The following PWWP2B variants were observed in gnomAD, a reference collection of about 807,000 sequenced individuals.
PWWP2B encodes the protein PWWP domain-containing protein 2B.
PWWP2B carries 9 observed loss-of-function variants against 15.5 expected under a neutral mutation model. The ratio of observed to expected loss-of-function variants is 0.58; its 90% CI spans 0.35 to 1.02. PWWP2B has a LOEUF of 1.02. Among genes scored for constraint, PWWP2B ranks in the 50% least tolerant of loss-of-function variants. The pLI is 0.02. For missense variants in PWWP2B, 864 were observed against 865.3 expected (o/e 1.00, Z 0.02); for synonymous variants, 474 against 403.6 (o/e 1.17, Z -2.09).
chr10:132,415,432 T>C (rs571165594), intron 2 of PWWP2B, among the ~76,000 whole-genome samples: 3 of 139,738 alleles, frequency 2.1e-5, no homozygotes, highest in African/African-American at 5.6e-5. Flanking sequence ...CACGCACACA[T>C]GCACTCTCAC....
intron 2 of PWWP2B, among the ~76,000 whole-genome samples, chr10:132,415,429 A>T (rs1449984328): frequency 6.7e-6 from 1 of 148,268 alleles, no homozygotes; most frequent in African/African-American, 2.5e-5. Flanking sequence ...ACACACGCAC[A>T]CATGCACTCT....
In PWWP2B at chr10:132,417,770, G is replaced by T. The variant is rs998367314; in HGVS notation, c.*726G>T. ...CCGGGCTTCAACAGTACAAGGAAAA[G>T]AAACTTGCTCTGTTTTGTAAGAGCG... On this transcript the variant is annotated 3_prime_UTR_variant, in exon 3 of 3. Coordinates refer to ENST00000305233, the MANE Select transcript of PWWP2B (RefSeq NM_138499.4). 3 of 152,260 alleles carry T rather than the reference G, an allele frequency of 2.0e-5. No individual in the cohort carries two copies. The highest frequency in any genetic ancestry group is 6.5e-5 in the Admixed American group (1 of 15,286). The allele number at this position is 152,260 out of a possible 1,614,324, so 9.4% of individuals were successfully genotyped here. A position where few individuals can be genotyped will look rare whatever the true frequency, so the allele number is the denominator to read the frequency against.
intron 1 of PWWP2B, among the ~76,000 whole-genome samples, chr10:132,399,538 T>C (rs893177373): frequency 1.3e-5 from 2 of 152,260 alleles, no homozygotes; most frequent in Non-Finnish European, 2.9e-5. Context: ...GTGGGTGGAA[T>C]TGCCTGGCTT....
rs951699019 is a variant in PWWP2B at position 132,405,897 on chromosome 10, C to T, written c.1397C>T (p.Pro466Leu). The change falls in exon 2 of 3, where the codon CCG becomes CTG. Residue 466 changes from proline to leucine, a missense_variant. Physicochemically the swap from Pro to Leu is moderately conservative, Grantham distance 98 (BLOSUM62 -3). This residue lies in a region of PWWP2B where 128 missense variants were observed against 177.6 expected (regional missense o/e 0.72). Transcript: ENST00000305233. Reference sequence around the variant, plus strand: ...TCCAGAGAGGCTCGCCAAACGGTGCCGCCCCTGACGGTCAGGCTGCACACA... The same window carrying T: ...TCCAGAGAGGCTCGCCAAACGGTGCTGCCCCTGACGGTCAGGCTGCACACA... ...SVSREARQTVPPLTVRLHTQS... is the reference protein window; with the variant it reads ...SVSREARQTVLPLTVRLHTQS... The T allele has an allele frequency of 5.6e-6, 9 of 1,611,810 alleles. No individual in the cohort carries two copies. Among genetic ancestry groups the T allele is most frequent in the East Asian group, 2.2e-5 (1 of 44,836 alleles).
intron 1 of PWWP2B, among the ~76,000 whole-genome samples, chr10:132,401,766 T>G (rs2069619635): frequency 6.6e-6 from 1 of 152,244 alleles, no homozygotes; most frequent in Non-Finnish European, 1.5e-5. Flanking sequence ...TCGGCCTCAC[T>G]GGCCAATCTG....
At chr10:132,404,525 C>A in intron 1 of PWWP2B, 101 bp from the exon 2 acceptor site, 2 of 1,023,618 alleles carry the variant, frequency 2.0e-6, no homozygotes, top group Non-Finnish European at 3.0e-6. Flanking sequence ...CTGCCCAGAC[C>A]TGCCGGAGCA....
intron 2 of PWWP2B, among the ~76,000 whole-genome samples, chr10:132,415,293 T>C (rs1407080493): frequency 8.4e-6 from 1 of 118,764 alleles, no homozygotes; most frequent in African/African-American, 3.3e-5. Context: ...CTCACACACA[T>C]ATCCACTCAC....
At position 132,405,727 on chromosome 10, in the gene PWWP2B, C is replaced by G. The variant is rs1040456609; in HGVS notation, c.1227C>G (p.Ser409Arg). The G allele has an allele frequency of 1.9e-6, 3 of 1,610,464 alleles. No individual in the cohort carries two copies. The highest frequency in any genetic ancestry group is 1.7e-6 in the Non-Finnish European group (2 of 1,179,906). ...GCGAGGGCTTGGCTTTTCTCGTCAG[C>G]TGCCCTGAGGGGAGAGCGGACTGTG... ...QGREGLAFLV[S>R]CPEGRADCAS... is the part of the protein sequence containing the mutation. Residue 409 changes from serine to arginine, a missense_variant, in exon 2 of 3, where the codon AGC (serine) becomes AGG (arginine). By Grantham distance (110) the Ser-to-Arg change is moderately radical. This residue lies in a region of PWWP2B where 736 missense variants were observed against 687.7 expected (regional missense o/e 1.07). Transcript: ENST00000305233.
intron 2 of PWWP2B, among the ~76,000 whole-genome samples, chr10:132,414,921 G>A (rs1402209833): frequency 6.6e-6 from 1 of 152,158 alleles, no homozygotes; most frequent in Non-Finnish European, 1.5e-5. Context: ...CTGTGTCAGC[G>A]GGGCCTCCGA....
chr10:132,410,248 G>A (rs905676245), intron 2 of PWWP2B, among the ~76,000 whole-genome samples: 1 of 152,076 alleles, frequency 6.6e-6, no homozygotes, highest in Non-Finnish European at 1.5e-5. Flanking sequence ...GTTCTCGGGA[G>A]GTGCCTGAGG....
intron 1 of PWWP2B, among the ~76,000 whole-genome samples, chr10:132,398,408 G>A (rs2069566699): frequency 6.6e-6 from 1 of 152,216 alleles, no homozygotes; most frequent in Non-Finnish European, 1.5e-5. Flanking sequence ...GACACTCGGG[G>A]GGTGAGAATC....
chr10:132,414,402 T>G (rs1436977498), intron 2 of PWWP2B, among the ~76,000 whole-genome samples: 2 of 152,198 alleles, frequency 1.3e-5, no homozygotes, highest in African/African-American at 2.4e-5. Context: ...AATCCTAAAA[T>G]GCTGCATTAG....
chr10:132,407,142 A>AG (rs1447590901), intron 2 of PWWP2B, among the ~76,000 whole-genome samples: 1 of 151,998 alleles, frequency 6.6e-6, no homozygotes, highest in Non-Finnish European at 1.5e-5. Context: ...GAGCCTGCCG[A>AG]GGGGCTGTTT....
rs534412327 is a variant in PWWP2B, at chr10:132,412,572, C to A, written c.*17-4489C>A. 2.6e-4 allele frequency among the ~76,000 whole-genome samples: 40 copies of A among 152,336 alleles called. 1 individual carries two copies. The East Asian group carries it at 4.3e-3, about 16-fold the overall frequency. ...GTTGTTGGCCTAATCCGTTCCCGAT[C>A]AAGTTCACCCAGGTTTTCACCCTGG... is the stretch of plus-strand genomic sequence containing the variant. On this transcript the variant is annotated intron_variant, in intron 2 of 2. Coordinates refer to ENST00000305233, the MANE Select transcript of PWWP2B (RefSeq NM_138499.4).
At chr10:132,413,311 A>T (rs2069805722) in intron 2 of PWWP2B, among the ~76,000 whole-genome samples, 1 of 152,240 alleles carries the variant, frequency 6.6e-6, no homozygotes, top group Non-Finnish European at 1.5e-5. Context: ...AAAATAATAT[A>T]TGTAATACTA....
chr10:132,415,014 C>A (rs1186082662), intron 2 of PWWP2B, among the ~76,000 whole-genome samples: 1 of 152,208 alleles, frequency 6.6e-6, no homozygotes, highest in Non-Finnish European at 1.5e-5. Context: ...GTCAATCTTA[C>A]TATGTACAAT....
chr10:132,404,308 T>A (rs1271715729), intron 1 of PWWP2B, among the ~76,000 whole-genome samples: 4 of 151,902 alleles, frequency 2.6e-5, no homozygotes, highest in African/African-American at 9.7e-5. Flanking sequence ...CCTGCTGGGG[T>A]CCACATGTCC....
intron 1 of PWWP2B, among the ~76,000 whole-genome samples, chr10:132,398,915 TC>T (rs1194345226): frequency 6.6e-6 from 1 of 151,868 alleles, no homozygotes; most frequent in Non-Finnish European, 1.5e-5. Flanking sequence ...TAGAGCAGGC[TC>T]CCCGACCCCC....
chr10:132,414,069 A>C (rs900955731), intron 2 of PWWP2B, among the ~76,000 whole-genome samples: 1 of 152,158 alleles, frequency 6.6e-6, no homozygotes, highest in Non-Finnish European at 1.5e-5. Context: ...TCCATGAGCG[A>C]GGGTCATCTA....
Sources: gnomAD v4.1 joint callset for allele counts (sites outside exome capture counted in the v4.1 genomes callset) on GRCh38, gnomAD v4.1.1 for gene constraint, gnomAD v4.1.1 regional missense constraint, MANE v1.5 for transcripts, NCBI Gene and HGNC (gene_info 2026-07-23, HGNC 2026-07-21) for gene names.